MTHFD1L: variants seen among roughly 807,000 people sequenced by gnomAD.
The protein encoded by MTHFD1L is methylenetetrahydrofolate dehydrogenase (NADP+ dependent) 1 like.
Under a neutral mutation model 119.5 loss-of-function variants are expected in MTHFD1L, and 81 were observed. The observed-to-expected ratio is 0.68, with a 90% CI of 0.57 to 0.82. MTHFD1L has a LOEUF of 0.82. Among genes scored for constraint, MTHFD1L ranks in the 40% least tolerant of loss-of-function variants. MTHFD1L has a pLI of 0.00. For synonymous variants in MTHFD1L, 430 were observed against 475.2 expected (o/e 0.90, Z 1.24); for missense variants, 1,125 against 1,253.4 (o/e 0.90, Z 1.55).
intron 24 of MTHFD1L, among the ~76,000 whole-genome samples, chr6:151,017,027 G>A (rs1248267938): frequency 1.3e-5 from 2 of 150,102 alleles, no homozygotes; most frequent in Admixed American, 6.6e-5. Flanking sequence ...CACCCGCCTC[G>A]GCCTCCCAGA....
At chr6:151,079,644 C>A (rs1346800579) in intron 26 of MTHFD1L, among the ~76,000 whole-genome samples, 2 of 151,852 alleles carry the variant, frequency 1.3e-5, no homozygotes, top group East Asian at 4.0e-4. Context: ...CATGCACCAC[C>A]ACGCCCAGCT....
chr6:150,919,074 G>T (rs1251092227), intron 9 of MTHFD1L, among the ~76,000 whole-genome samples: 1 of 151,410 alleles, frequency 6.6e-6, no homozygotes, highest in Non-Finnish European at 1.5e-5. Flanking sequence ...AAAGCAGGAG[G>T]ATCGCTTGAA....
At chr6:150,978,881 C>G (rs556502701) in intron 20 of MTHFD1L, among the ~76,000 whole-genome samples, 4 of 152,120 alleles carry the variant, frequency 2.6e-5, no homozygotes, top group Non-Finnish European at 5.9e-5. Flanking sequence ...TGTGGGTGAT[C>G]AGGCGGCTAT....
intron 8 of MTHFD1L, among the ~76,000 whole-genome samples, chr6:150,907,394 G>A (rs760252483): frequency 1.2e-4 from 18 of 152,150 alleles, no homozygotes; most frequent in East Asian, 5.8e-4. Flanking sequence ...AGACCAAGGC[G>A]TTACAGATGT....
intron 26 of MTHFD1L, among the ~76,000 whole-genome samples, chr6:151,091,460 A>G (rs1010639888): frequency 1.3e-5 from 2 of 152,084 alleles, no homozygotes; most frequent in African/African-American, 2.4e-5. Flanking sequence ...CCCAGCACAC[A>G]GGGGGCTTCT....
chr6:150,895,613 G>GTTTTTTTTTT, intron 7 of MTHFD1L, among the ~76,000 whole-genome samples: 1 of 134,464 alleles, frequency 7.4e-6, no homozygotes, highest in Non-Finnish European at 1.6e-5. Context: ...GTTTTTTGTG[G>GTTTTTTTTTT]TTTTTTTTTT....
chr6:150,951,787 GTCA>G (rs1263627590), intron 16 of MTHFD1L, among the ~76,000 whole-genome samples: 1 of 150,470 alleles, frequency 6.6e-6, no homozygotes, highest in Admixed American at 6.6e-5. Context: ...AAAATGTATT[GTCA>G]TCTTTTTTTT....
At chr6:151,055,521 CTT>C (rs1335987382) in intron 26 of MTHFD1L, among the ~76,000 whole-genome samples, 13 of 142,486 alleles carry the variant, frequency 9.1e-5, no homozygotes, top group Non-Finnish European at 9.2e-5. Context: ...TGTGCTGAAT[CTT>C]TTTTTTTTTT....
chr6:151,065,700 C>T (rs550966844), intron 26 of MTHFD1L, among the ~76,000 whole-genome samples: 1 of 152,368 alleles, frequency 6.6e-6, no homozygotes, highest in South Asian at 2.1e-4. Context: ...GCTCTGTTGG[C>T]CTCATGTGCC....
Position 150,911,296 on chromosome 6 carries a change from T to A in MTHFD1L, c.892+5535T>A, listed in dbSNP as rs114665696. ...CAGTTTACTAATATTTTAATTTTTT[T>A]AATCATGTCTTACATTGCATTCTTT... On this transcript the variant is annotated intron_variant, in intron 8 of 27. Coordinates refer to ENST00000367321, the MANE Select transcript of MTHFD1L (RefSeq NM_015440.5). Among the ~76,000 whole-genome samples the A allele has an allele frequency of 6.6e-3, 1,004 of 152,340 alleles. 12 individuals carry two copies. The highest frequency in any genetic ancestry group is 0.022 in the African/African-American group (933 of 41,584).
intron 26 of MTHFD1L, among the ~76,000 whole-genome samples, chr6:151,087,291 AAAT>A (rs1330182782): frequency 1.3e-5 from 2 of 149,268 alleles, no homozygotes; most frequent in South Asian, 2.1e-4. Context: ...ATAAATAAAT[AAAT>A]AATAAAATTG....
chr6:150,977,937 G>T (rs6912222), intron 20 of MTHFD1L, among the ~76,000 whole-genome samples: 64,542 of 146,638 alleles, frequency 0.44, 16,251 homozygotes, highest in African/African-American at 0.67. Flanking sequence ...GTCCCACTCT[G>T]TCTTCCAGGC....
intron 8 of MTHFD1L, among the ~76,000 whole-genome samples, chr6:150,910,216 T>C (rs1307836756): frequency 2.0e-5 from 3 of 150,684 alleles, no homozygotes; most frequent in East Asian, 2.0e-4. Context: ...GGAAAGAACA[T>C]GGACTTTGGA....
At chr6:150,968,358 T>G (rs1361659019) in intron 19 of MTHFD1L, among the ~76,000 whole-genome samples, 1 of 152,238 alleles carries the variant, frequency 6.6e-6, no homozygotes, top group African/African-American at 2.4e-5. Flanking sequence ...TTTTACTACA[T>G]TCTCCTAAAA....
intron 21 of MTHFD1L, 123 bp from the exon 22 acceptor site, chr6:151,013,656 A>T: frequency 1.1e-6 from 1 of 934,738 alleles, no homozygotes; most frequent in Non-Finnish European, 1.6e-6. Flanking sequence ...CTACTGTTTT[A>T]AAAGCACAAA....
rs944086429 is a variant in MTHFD1L at position 151,028,774 on chromosome 6, A to G, written c.2587-5719A>G. On this transcript the variant is annotated intron_variant, in intron 24 of 27. Transcript: ENST00000367321. Reference sequence around the variant, plus strand: ...ACGCTACTGAACTGTACACTTAGAAATGGTTAAAATGGTAAATTAGGCCAG... The same window carrying G: ...ACGCTACTGAACTGTACACTTAGAAGTGGTTAAAATGGTAAATTAGGCCAG... 8.5e-5 allele frequency among the ~76,000 whole-genome samples: 13 copies of G among 152,302 alleles called. No homozygotes were observed. In the Middle Eastern group the frequency reaches 0.01, roughly 120 times the overall value.
At chr6:151,050,085 G>T (rs1278922850) in intron 26 of MTHFD1L, among the ~76,000 whole-genome samples, 1 of 152,146 alleles carries the variant, frequency 6.6e-6, no homozygotes, top group African/African-American at 2.4e-5. Flanking sequence ...CACCCAGGTC[G>T]GGCATGGAAG....
chr6:150,866,995 C>A (rs1250862777), intron 1 of MTHFD1L, among the ~76,000 whole-genome samples: 1 of 152,158 alleles, frequency 6.6e-6, no homozygotes. Context: ...CCTCCATTCA[C>A]ATCCTCTTCC....
chr6:150,945,622 A>G, intron 15 of MTHFD1L, 81 bp downstream of exon 15: 2 of 1,411,162 alleles, frequency 1.4e-6, no homozygotes, highest in Non-Finnish European at 9.9e-7. Context: ...TGAAATTTTC[A>G]ACTTGGTTTG....
Sources: allele counts gnomAD v4.1 joint callset (sites outside exome capture counted in the v4.1 genomes callset), GRCh38; gene constraint gnomAD v4.1.1; transcripts MANE v1.5; gene names NCBI Gene and HGNC (gene_info 2026-07-23, HGNC 2026-07-21).